Variants in ARAP2 observed in about 807,000 individuals in gnomAD.
ARAP2 encodes ArfGAP with RhoGAP domain, ankyrin repeat and PH domain 2, also known as arf-GAP with Rho-GAP domain, ANK repeat and PH domain-containing protein 2.
In ARAP2, 148 loss-of-function variants were observed where a neutral mutation model predicts 194.5. That is an observed-to-expected ratio of 0.76 (90% CI 0.67 to 0.87). The LOEUF (loss-of-function observed/expected upper bound fraction) is 0.87, where lower values mean the gene tolerates loss of function less well. Ranked by LOEUF, ARAP2 falls within the 40% of genes least tolerant of loss-of-function variation. ARAP2 has a pLI of 0.00. For synonymous variants in ARAP2, 695 were observed against 683.5 expected (o/e 1.02, Z -0.26); for missense variants, 2,128 against 1,989.7 (o/e 1.07, Z -1.32).
intron 19 of ARAP2, among the ~76,000 whole-genome samples, chr4:36,140,316 T>TA (rs1434243671): frequency 6.6e-6 from 1 of 151,740 alleles, no homozygotes; most frequent in African/African-American, 2.4e-5. Context: ...ATACACGTTT[T>TA]AAAATCTACC....
At chr4:36,035,617 C>T (rs1719768432) in intron 5 of ARAP2, among the ~76,000 whole-genome samples, 1 of 152,062 alleles carries the variant, frequency 6.6e-6, no homozygotes, top group Admixed American at 6.6e-5. Context: ...GCTCCAAATC[C>T]TTACCAAAAC....
At chr4:36,139,186 T>C (rs981787569) in intron 19 of ARAP2, among the ~76,000 whole-genome samples, 1 of 151,684 alleles carries the variant, frequency 6.6e-6, no homozygotes, top group African/African-American at 2.4e-5. Context: ...TTTTTTCTAA[T>C]TTCCTTGCTT....
intron 15 of ARAP2, among the ~76,000 whole-genome samples, chr4:36,152,992 TAAAC>T: frequency 6.6e-6 from 1 of 152,320 alleles, no homozygotes; most frequent in East Asian, 1.9e-4. Flanking sequence ...TCAAAGGTCT[TAAAC>T]AAACAGTGCC....
At chr4:36,085,208 ATTG>A (rs1730533831) in intron 28 of ARAP2, among the ~76,000 whole-genome samples, 1 of 152,004 alleles carries the variant, frequency 6.6e-6, no homozygotes, top group South Asian at 2.1e-4. Flanking sequence ...TGTTTACCTT[ATTG>A]TTAATAAGTC....
chr4:36,050,301 G>A (rs1400244762), intron 3 of ARAP2, among the ~76,000 whole-genome samples: 3 of 152,176 alleles, frequency 2.0e-5, no homozygotes, highest in Non-Finnish European at 2.9e-5. Context: ...CATATCATCT[G>A]AAACTCATGT....
chr4:36,042,153 A>G (rs2136805), intron 5 of ARAP2, among the ~76,000 whole-genome samples: 12,547 of 152,254 alleles, frequency 0.082, 611 homozygotes, highest in Middle Eastern at 0.2. Flanking sequence ...AAACCTTCAC[A>G]TGTACCTCCA....
Position 36,211,773 on chromosome 4 carries a change from T to C in ARAP2, c.1133+623A>G, listed in dbSNP as rs529897814. Among the ~76,000 whole-genome samples, 10 of 152,288 alleles carry C rather than the reference T, an allele frequency of 6.6e-5. No homozygotes were observed. In the East Asian group the frequency reaches 1.5e-3, roughly 24 times the overall value. ...TATTCCGTTTTCCATGATGTGATTA[T>C]ATTATGCTTATATCAAAATATGTTA... On this transcript the variant is annotated intron_variant, in intron 5 of 32. Transcript: ENST00000303965.
chr4:36,127,490 G>A (rs1197409145), intron 21 of ARAP2, among the ~76,000 whole-genome samples: 4 of 151,936 alleles, frequency 2.6e-5, no homozygotes, highest in Non-Finnish European at 5.9e-5. Context: ...AACTGTGCAT[G>A]TTTTGTGACA....
chr4:36,052,508 C>A (rs1053158836), intron 2 of ARAP2, among the ~76,000 whole-genome samples: 1 of 152,180 alleles, frequency 6.6e-6, no homozygotes, highest in African/African-American at 2.4e-5. Context: ...GTCCTGAATA[C>A]TTTTATTGAC....
At chr4:36,060,357 T>G (rs762398061) in intron 1 of ARAP2, among the ~76,000 whole-genome samples, 1 of 152,184 alleles carries the variant, frequency 6.6e-6, no homozygotes, top group African/African-American at 2.4e-5. Context: ...GTCACAATTT[T>G]GAATTTTATT....
rs1411957229 is a variant in ARAP2, at chr4:36,066,705, C to G, written c.*1202G>C. Reference sequence around the variant, plus strand: ...TAGCATTGTCTGTCAGGAAATTCACCAATTCAGTAGCTGATCTTTATGTGG... The same window carrying G: ...TAGCATTGTCTGTCAGGAAATTCACGAATTCAGTAGCTGATCTTTATGTGG... On this transcript the variant is annotated 3_prime_UTR_variant, in exon 33 of 33. Transcript: ENST00000303965. 3 of 151,976 alleles carry G rather than the reference C, an allele frequency of 2.0e-5. No individual in the cohort carries two copies. Among genetic ancestry groups the G allele is most frequent in the Admixed American group, 6.6e-5 (1 of 15,262 alleles). The allele number at this position is 151,976 out of a possible 1,614,324, so 9.4% of individuals were successfully genotyped here. A position where few individuals can be genotyped will look rare whatever the true frequency, so the allele number is the denominator to read the frequency against.
intron 9 of ARAP2, chr4:36,012,548 A>T (rs1324667170): frequency 6.6e-6 from 1 of 152,218 alleles, no homozygotes; most frequent in African/African-American, 2.4e-5. Context: ...TAAAATCTAC[A>T]GCAAAATCAC....
chr4:36,154,933 A>C (rs1731888741), intron 15 of ARAP2, among the ~76,000 whole-genome samples: 1 of 152,218 alleles, frequency 6.6e-6, no homozygotes, highest in East Asian at 1.9e-4. Flanking sequence ...ACTATTGCAC[A>C]AACTTCAAGG....
intron 31 of ARAP2, 44 bp downstream of exon 31, chr4:36,080,172 C>T: frequency 1.3e-6 from 2 of 1,522,360 alleles, no homozygotes; most frequent in South Asian, 1.2e-5. Flanking sequence ...TTCCTGTAAA[C>T]AAAGTTATTA....
At chr4:36,240,008 C>G (rs1015230846) in intron 1 of ARAP2, among the ~76,000 whole-genome samples, 1 of 152,080 alleles carries the variant, frequency 6.6e-6, no homozygotes, top group Non-Finnish European at 1.5e-5. Context: ...GCACAATGCC[C>G]GAATTCCAGT....
intron 5 of ARAP2, among the ~76,000 whole-genome samples, chr4:36,040,622 CT>C (rs1354323030): frequency 6.6e-6 from 1 of 152,042 alleles, no homozygotes; most frequent in Non-Finnish European, 1.5e-5. Flanking sequence ...GCGAGATTGC[CT>C]TCCTGATTTT....
Position 36,145,648 on chromosome 4 carries a change from C to T in ARAP2, c.3263+1648G>A, listed in dbSNP as rs1729457955. Among the ~76,000 whole-genome samples, 4 of 151,840 alleles carry T rather than the reference C, an allele frequency of 2.6e-5. No individual in the cohort carries two copies. The Admixed American group carries it at 2.6e-4, about 10-fold the overall frequency. On this transcript the variant is annotated intron_variant, in intron 19 of 32. Transcript: ENST00000303965. Reference sequence around the variant, plus strand: ...CTACACAATATATCCATGCAACAAACCTGCACATATGTAGATATGTGCCCC... The same window carrying T: ...CTACACAATATATCCATGCAACAAATCTGCACATATGTAGATATGTGCCCC...
At chr4:36,173,328 G>A (rs919403506) in intron 9 of ARAP2, among the ~76,000 whole-genome samples, 2 of 152,032 alleles carry the variant, frequency 1.3e-5, no homozygotes, top group Non-Finnish European at 2.9e-5. Context: ...TTAAATATAT[G>A]TCCATATTTG....
At chr4:36,145,864 T>C (rs1471961517) in intron 19 of ARAP2, among the ~76,000 whole-genome samples, 1 of 151,914 alleles carries the variant, frequency 6.6e-6, no homozygotes, top group East Asian at 1.9e-4. Context: ...GTCCAGTTCC[T>C]TGGCAAAATA....
Sources: gnomAD v4.1 joint callset for allele counts (sites outside exome capture counted in the v4.1 genomes callset) on GRCh38, gnomAD v4.1.1 for gene constraint, MANE v1.5 for transcripts, NCBI Gene and HGNC (gene_info 2026-07-23, HGNC 2026-07-21) for gene names.